FMNL3: variants seen among roughly 807,000 people sequenced by gnomAD.
FMNL3 encodes formin-like protein 3.
A neutral mutation model predicts 119.6 loss-of-function variants in FMNL3; 57 were observed. That is an observed-to-expected ratio of 0.48 (90% CI 0.39 to 0.59). The LOEUF (loss-of-function observed/expected upper bound fraction) is 0.59. FMNL3 is among the 20% of genes least tolerant of loss of function. FMNL3 has a pLI of 0.00. For synonymous variants in FMNL3, 491 were observed against 507.3 expected (o/e 0.97, Z 0.43); for missense variants, 1,053 against 1,323.5 (o/e 0.80, Z 3.17).
chr12:49,655,362 G>A, intron 9 of FMNL3, among the ~76,000 whole-genome samples: 1 of 152,310 alleles, frequency 6.6e-6, no homozygotes, highest in Non-Finnish European at 1.5e-5. Context: ...AACCTGGGAG[G>A]TGGAAGTTGC....
Position 49,648,341 on chromosome 12 carries a change from T to C in FMNL3, c.2528A>G (p.Asn843Ser), listed in dbSNP as rs1010835892. 3 of 1,612,126 alleles carry C rather than the reference T, an allele frequency of 1.9e-6. No individual in the cohort carries two copies. The highest frequency in any genetic ancestry group is 2.5e-6 in the Non-Finnish European group (3 of 1,178,812). Residue 843 changes from asparagine to serine, a missense_variant, in exon 22 of 26, where the codon AAC (asparagine) becomes AGC (serine). Transcript: ENST00000335154. ...VEKAAAVSLE[N>S]VLLDVKELGR... ...CAGCTCCTTCACGTCCAGCAGCACG[T>C]TCTCCAGGGACACTGGTCACCAAAA... is the stretch of plus-strand genomic sequence containing the variant.
chr12:49,644,352 C>CTCAAGG lies in FMNL3; in HGVS notation c.*1462_*1463insCCTTGA, dbSNP rs1592629935. ...ATTGTTGGCACCTCTCAAGGTTGCTCTTGGTGTTCAAGGGTCCCCTACTCC... is the reference window on the plus strand; with the variant it reads ...ATTGTTGGCACCTCTCAAGGTTGCTCTCAAGGTTGGTGTTCAAGGGTCCCCTACTCC... On this transcript the variant is annotated 3_prime_UTR_variant, in exon 26 of 26. Coordinates refer to ENST00000335154, the MANE Select transcript of FMNL3 (RefSeq NM_175736.5). 1 of 828,830 alleles carries CTCAAGG rather than the reference C, an allele frequency of 1.2e-6. No homozygotes were observed. The highest frequency in any genetic ancestry group is 1.7e-5 in the African/African-American group (1 of 59,604). The allele number at this position is 828,830 out of a possible 1,614,324, so 51.3% of individuals were successfully genotyped here.
chr12:49,680,772 T>C (rs1261474105), intron 1 of FMNL3, among the ~76,000 whole-genome samples: 2 of 152,218 alleles, frequency 1.3e-5, no homozygotes, highest in Non-Finnish European at 2.9e-5. Context: ...ATCTTTTATA[T>C]GCCAGGCACT....
Position 49,648,303 on chromosome 12 carries a change from C to A in FMNL3, c.2566G>T (p.Glu856Ter), listed in dbSNP as rs369982116. The change falls in exon 22 of 26, where the codon GAG becomes TAG. Residue 856 changes from glutamate (E) to a stop codon, truncating the protein, a stop_gained. Coordinates refer to ENST00000335154, the MANE Select transcript of FMNL3 (RefSeq NM_175736.5). LOFTEE classifies it high-confidence loss of function. ...ATGCTGCACTCACGCCGAATCAGCT[C>A]CATGCCCCGGCCCAGCTCCTTCACG... Reference protein sequence around the residue: ...LDVKELGRGMELIRRECSIHD... With the variant: ...LDVKELGRGM 5 of 1,613,604 alleles carry A rather than the reference C, an allele frequency of 3.1e-6. No individual in the cohort carries two copies. The East Asian group carries it at 8.9e-5, about 29-fold the overall frequency.
intron 5 of FMNL3, among the ~76,000 whole-genome samples, chr12:49,660,130 G>T (rs1377404319): frequency 1.3e-5 from 2 of 152,210 alleles, no homozygotes; most frequent in Non-Finnish European, 2.9e-5. Context: ...GTATCCTCTT[G>T]TACTGGTATA....
rs929029567 is a variant in FMNL3 at position 49,706,961 on chromosome 12, G to A, written c.126+94C>T. The A allele has an allele frequency of 6.9e-5, 97 of 1,400,526 alleles. No individual in the cohort carries two copies. In the African/African-American group the frequency reaches 1.3e-3, roughly 18 times the overall value. 86.8% of individuals were successfully genotyped at this position (1,400,526 alleles called of 1,614,324 possible). Reference sequence around the variant, plus strand: ...ATCCGTTCGGGACCCCGACTGAAAGGGTGGGCGGGACGGGGGCCCAGCACA... The same window carrying A: ...ATCCGTTCGGGACCCCGACTGAAAGAGTGGGCGGGACGGGGGCCCAGCACA... On this transcript the variant is annotated intron_variant, in intron 1 of 25. Transcript: ENST00000335154.
chr12:49,642,038 C>G lies in FMNL3; in HGVS notation c.*3777G>C. On this transcript the variant is annotated 3_prime_UTR_variant, in exon 26 of 26. Coordinates refer to ENST00000335154, the MANE Select transcript of FMNL3 (RefSeq NM_175736.5). This position sits in a 1 kb window ranked among gnomAD's most constrained non-coding sequence, Gnocchi z 5.8. ...ACCTTCAATAGTGTGAGGGGCTGGG[C>G]GGGGCGTGGGAAGTTCTCTAATTCA... The G allele has an allele frequency of 1.2e-6, 2 of 1,603,832 alleles. No homozygotes were observed. The highest frequency in any genetic ancestry group is 1.7e-6 in the Non-Finnish European group (2 of 1,173,480).
intron 22 of FMNL3, 41 bp downstream of exon 22, chr12:49,648,152 C>G: frequency 1.3e-6 from 2 of 1,585,022 alleles, no homozygotes; most frequent in Non-Finnish European, 1.7e-6. Context: ...GGCCTGGTGC[C>G]TTGGCCCTGG....
chr12:49,685,344 C>T (rs966755244), intron 1 of FMNL3, among the ~76,000 whole-genome samples: 1 of 152,132 alleles, frequency 6.6e-6, no homozygotes, highest in Non-Finnish European at 1.5e-5. Context: ...CGCCTGTAGT[C>T]CCAGCTACTC....
At chr12:49,654,080 G>A in intron 11 of FMNL3, 112 bp downstream of exon 11, 4 of 1,196,472 alleles carry the variant, frequency 3.3e-6, no homozygotes, top group Non-Finnish European at 4.7e-6. Context: ...ACAGAAGACA[G>A]GCAGGGTCCC....
Position 49,647,177 on chromosome 12 carries a change from C to T in FMNL3, c.2871+99G>A. On this transcript the variant is annotated intron_variant, in intron 24 of 25. Transcript: ENST00000335154. This position sits in a 1 kb window ranked among gnomAD's most constrained non-coding sequence, Gnocchi z 4.9. ...CCAGCCCACTGGCCCTCTGGGTGGT[C>T]TGTCCACTCCAAGTTTTCATCTCCT... 6.4e-7 allele frequency: 1 copy of T among 1,562,086 alleles called. No individual in the cohort carries two copies. Among genetic ancestry groups the T allele is most frequent in the Non-Finnish European group, 8.8e-7 (1 of 1,138,634 alleles).
At chr12:49,690,993 A>C (rs1201791300) in intron 1 of FMNL3, among the ~76,000 whole-genome samples, 1 of 152,232 alleles carries the variant, frequency 6.6e-6, no homozygotes, top group East Asian at 1.9e-4. Context: ...CAGTGAGCCA[A>C]GATTGCGCCA....
intron 1 of FMNL3, among the ~76,000 whole-genome samples, chr12:49,681,847 C>T (rs764114157): frequency 3.3e-5 from 5 of 151,950 alleles, no homozygotes; most frequent in South Asian, 2.1e-4. Flanking sequence ...TGTGACCCAC[C>T]GTGCCCAACC....
rs1365408679 is a variant in FMNL3, at chr12:49,643,987, G to A, written c.*1828C>T. 2 of 1,614,168 alleles carry A rather than the reference G, an allele frequency of 1.2e-6. No individual in the cohort carries two copies. The highest frequency in any genetic ancestry group is 2.2e-5 in the East Asian group (1 of 44,886). On this transcript the variant is annotated 3_prime_UTR_variant, in exon 26 of 26. Coordinates refer to ENST00000335154, the MANE Select transcript of FMNL3 (RefSeq NM_175736.5). ...GCTCCCTAACCGTTCCCCAGGCTTT[G>A]GAATCAAGAAGGAGAAGGTGAGGGG...
At chr12:49,682,674 A>T (rs935429455) in intron 1 of FMNL3, among the ~76,000 whole-genome samples, 3 of 152,184 alleles carry the variant, frequency 2.0e-5, no homozygotes, top group African/African-American at 7.2e-5. Flanking sequence ...AAAATATATA[A>T]AAGAGTATAA....
At position 49,636,943 on chromosome 12, in the gene FMNL3, G is replaced by A. The variant is rs1025037127; in HGVS notation, c.*8872C>T. The A allele has an allele frequency of 4.6e-5, 72 of 1,570,292 alleles. 1 individual carries two copies. The South Asian group carries it at 8.0e-4, about 17-fold the overall frequency. ...CTGCCCCCTTCTGGATACGCTGCCT[G>A]TTCTTTCTGTGCCTAGCCCTGTCCA... On this transcript the variant is annotated 3_prime_UTR_variant, in exon 26 of 26. Coordinates refer to ENST00000335154, the MANE Select transcript of FMNL3 (RefSeq NM_175736.5).
chr12:49,639,367 C>T lies in FMNL3; in HGVS notation c.*6448G>A, dbSNP rs2138588702. ...ACTTGGTACAAAAGTCCAAGAAGCA[C>T]TAGATGCTAGGAGCTGGGTTAGAGG... On this transcript the variant is annotated 3_prime_UTR_variant, in exon 26 of 26. Coordinates refer to ENST00000335154, the MANE Select transcript of FMNL3 (RefSeq NM_175736.5). 6.6e-6 allele frequency: 1 copy of T among 152,294 alleles called. No individual in the cohort carries two copies. The highest frequency in any genetic ancestry group is 2.1e-4 in the South Asian group (1 of 4,814). 9.4% of individuals were successfully genotyped at this position (152,294 alleles called of 1,614,324 possible). A position where few individuals can be genotyped will look rare whatever the true frequency, so the allele number is the denominator to read the frequency against.
chr12:49,705,897 A>G (rs929036289), intron 1 of FMNL3, among the ~76,000 whole-genome samples: 12 of 152,228 alleles, frequency 7.9e-5, no homozygotes, highest in African/African-American at 2.7e-4. Flanking sequence ...AGACAGCTCC[A>G]CTGTTGCCAA....
intron 5 of FMNL3, among the ~76,000 whole-genome samples, chr12:49,661,456 G>GC (rs902751234): frequency 2.0e-5 from 3 of 151,786 alleles, no homozygotes; most frequent in Admixed American, 6.6e-5. Context: ...CTGCCTCCAA[G>GC]CCCCCCTGCC....
Sources: allele counts gnomAD v4.1 joint callset (sites outside exome capture counted in the v4.1 genomes callset), GRCh38; gene constraint gnomAD v4.1.1; non-coding constraint Gnocchi (gnomAD v3.1); transcripts MANE v1.5; gene names NCBI Gene and HGNC (gene_info 2026-07-23, HGNC 2026-07-21).